EFCAB11: variants seen among roughly 807,000 people sequenced by gnomAD.
EFCAB11 encodes EF-hand calcium binding domain 11.
EFCAB11 carries 14 observed loss-of-function variants against 23.0 expected under a neutral mutation model. The observed-to-expected ratio is 0.61, with a 90% confidence interval of 0.40 to 0.95. EFCAB11 has a LOEUF of 0.95. Among genes scored for constraint, EFCAB11 ranks in the 40% least tolerant of loss-of-function variants. EFCAB11 has a pLI of 0.00. For missense variants in EFCAB11, 198 were observed against 195.8 expected (o/e 1.01, Z -0.07); for synonymous variants, 65 against 66.6 (o/e 0.98, Z 0.11).
chr14:89,907,419 A>G (rs760735805), intron 5 of EFCAB11, among the ~76,000 whole-genome samples: 1 of 152,204 alleles, frequency 6.6e-6, no homozygotes, highest in Non-Finnish European at 1.5e-5. Context: ...GAGGTTTTTG[A>G]TATTTTTATC....
intron 3 of EFCAB11, among the ~76,000 whole-genome samples, chr14:89,939,325 G>A (rs1890710308): frequency 6.6e-6 from 1 of 152,126 alleles, no homozygotes; most frequent in African/African-American, 2.4e-5. Context: ...GTTAATGGGA[G>A]GACTGCATTA....
At chr14:89,802,643 T>C (rs1885825665) in intron 5 of EFCAB11, among the ~76,000 whole-genome samples, 1 of 152,184 alleles carries the variant, frequency 6.6e-6, no homozygotes, top group East Asian at 1.9e-4. Context: ...TCCTCCTGCC[T>C]TGGCCTCCCA....
At chr14:89,903,135 T>C (rs923761181) in intron 5 of EFCAB11, among the ~76,000 whole-genome samples, 2 of 152,240 alleles carry the variant, frequency 1.3e-5, no homozygotes, top group African/African-American at 4.8e-5. Flanking sequence ...TTTGAATAAC[T>C]GTGTTTTACT....
At chr14:89,884,792 G>A (rs768252116) in intron 5 of EFCAB11, among the ~76,000 whole-genome samples, 5 of 152,200 alleles carry the variant, frequency 3.3e-5, no homozygotes, top group Non-Finnish European at 7.3e-5. Context: ...AGTATTTGGA[G>A]GTGGTGTCTT....
rs530747852 is a variant in EFCAB11, at chr14:89,943,135, C to A, written c.217+6962G>T. ...GAGCCCTGTTCCGAAGTAAGAAGAA[C>A]AATGGATAGCAGAGAATTCCCAAGT... On this transcript the variant is annotated intron_variant, in intron 3 of 5. Coordinates refer to ENST00000316738, the MANE Select transcript of EFCAB11 (RefSeq NM_145231.4). Among the ~76,000 whole-genome samples, 31 of 152,118 alleles carry A rather than the reference C, an allele frequency of 2.0e-4. No individual in the cohort carries two copies. The South Asian group carries it at 6.0e-3, about 30-fold the overall frequency.
intron 5 of EFCAB11, among the ~76,000 whole-genome samples, chr14:89,890,826 G>A (rs774906988): frequency 7.2e-5 from 11 of 152,190 alleles, no homozygotes; most frequent in Admixed American, 2.0e-4. Flanking sequence ...ATGGGGAGAC[G>A]AGGCCAGAAG....
At chr14:89,806,789 AT>A (rs1885984539) in intron 5 of EFCAB11, among the ~76,000 whole-genome samples, 1 of 152,160 alleles carries the variant, frequency 6.6e-6, no homozygotes, top group Non-Finnish European at 1.5e-5. Flanking sequence ...AGGCTAGATG[AT>A]TGCTAAGATT....
At chr14:89,875,590 T>G (rs555529364) in intron 5 of EFCAB11, among the ~76,000 whole-genome samples, 4 of 152,290 alleles carry the variant, frequency 2.6e-5, no homozygotes, top group African/African-American at 9.6e-5. Context: ...TATGGGTAAC[T>G]GGGTAAATGG....
Position 89,794,754 on chromosome 14 carries a change from T to G in EFCAB11, c.*2489A>C, listed in dbSNP as rs938653431. On this transcript the variant is annotated 3_prime_UTR_variant, in exon 6 of 6. Coordinates refer to ENST00000316738, the MANE Select transcript of EFCAB11 (RefSeq NM_145231.4). ...AAAGTTTAGTTTAACAGGTTTTGAATAAGACTTTATTTTTTAAATGAATTT... is the reference window on the plus strand; with the variant it reads ...AAAGTTTAGTTTAACAGGTTTTGAAGAAGACTTTATTTTTTAAATGAATTT... 2 of 152,222 alleles carry G rather than the reference T, an allele frequency of 1.3e-5. No homozygotes were observed. The highest frequency in any genetic ancestry group is 2.9e-5 in the Non-Finnish European group (2 of 68,034). The allele number at this position is 152,222 out of a possible 1,614,324, so 9.4% of individuals were successfully genotyped here.
In EFCAB11 at chr14:89,836,584, GA is replaced by G. The variant is rs781495190; in HGVS notation, c.411-39261del. 8.3e-5 allele frequency: 38 copies of G among 456,618 alleles called. 1 individual carries two copies. Among genetic ancestry groups the G allele is most frequent in the Non-Finnish European group, 8.8e-5 (20 of 226,986 alleles). 28.3% of individuals were successfully genotyped at this position (456,618 alleles called of 1,614,324 possible). A position where few individuals can be genotyped will look rare whatever the true frequency, so the allele number is the denominator to read the frequency against. On this transcript the variant is annotated intron_variant, in intron 5 of 5. Transcript: ENST00000316738. ...GACGTCAGTACTCCCCTGTGCCATA[GA>G]TGTTCCACATGAACCTCCAGGAAAT...
chr14:89,952,879 A>G (rs1265937802), intron 2 of EFCAB11, among the ~76,000 whole-genome samples: 1 of 152,132 alleles, frequency 6.6e-6, no homozygotes. Context: ...TGGCAGCTCA[A>G]TTTCTTGAAT....
In EFCAB11 at chr14:89,905,393, T is replaced by C. The variant is rs113190257; in HGVS notation, c.410+26148A>G. Among the ~76,000 whole-genome samples, 363 of 152,260 alleles carry C rather than the reference T, an allele frequency of 2.4e-3. 1 individual carries two copies. Among genetic ancestry groups the C allele is most frequent in the African/African-American group, 8.3e-3 (343 of 41,558 alleles). ...ACCACTAAGAGAGAGACAGATCACA[T>C]TGATGAAGAGTTGTACAGCAATGCT... is the stretch of plus-strand genomic sequence containing the variant. On this transcript the variant is annotated intron_variant, in intron 5 of 5. Coordinates refer to ENST00000316738, the MANE Select transcript of EFCAB11 (RefSeq NM_145231.4).
intron 5 of EFCAB11, among the ~76,000 whole-genome samples, chr14:89,877,905 G>A (rs1239402819): frequency 6.6e-6 from 1 of 152,204 alleles, no homozygotes; most frequent in African/African-American, 2.4e-5. Flanking sequence ...TAAGAACTCT[G>A]ATTGGCAGAA....
At chr14:89,934,653 T>C (rs1361358184) in intron 3 of EFCAB11, among the ~76,000 whole-genome samples, 1 of 152,062 alleles carries the variant, frequency 6.6e-6, no homozygotes, top group Non-Finnish European at 1.5e-5. Flanking sequence ...GTAGCATTTT[T>C]TTCCATAGTT....
intron 5 of EFCAB11, among the ~76,000 whole-genome samples, chr14:89,803,808 G>A (rs1276693298): frequency 6.6e-6 from 1 of 152,184 alleles, no homozygotes; most frequent in Non-Finnish European, 1.5e-5. Context: ...TGAGGAGCCC[G>A]CTGCTTCTTC....
intron 5 of EFCAB11, among the ~76,000 whole-genome samples, chr14:89,858,156 C>G (rs1036362192): frequency 6.6e-6 from 1 of 152,200 alleles, no homozygotes; most frequent in Admixed American, 6.5e-5. Flanking sequence ...CTCTCCCTCT[C>G]CTGGCTCTCT....
At chr14:89,880,271 C>T (rs1156236933) in intron 5 of EFCAB11, among the ~76,000 whole-genome samples, 1 of 152,174 alleles carries the variant, frequency 6.6e-6, no homozygotes, top group Non-Finnish European at 1.5e-5. Flanking sequence ...CACCATGTGA[C>T]ACACCATTCC....
At chr14:89,832,801 G>C (rs1055292837) in intron 5 of EFCAB11, among the ~76,000 whole-genome samples, 9 of 152,066 alleles carry the variant, frequency 5.9e-5, no homozygotes, top group African/African-American at 2.2e-4. Context: ...AAACAGAAAG[G>C]CTGTGTGGGT....
At chr14:89,875,868 G>A (rs10151032) in intron 5 of EFCAB11, among the ~76,000 whole-genome samples, 2,955 of 152,232 alleles carry the variant, frequency 0.019, 122 homozygotes, top group African/African-American at 0.067. Flanking sequence ...AAATTGGAAA[G>A]GGCATGCAGG....
Sources: gnomAD v4.1 joint callset for allele counts (sites outside exome capture counted in the v4.1 genomes callset) on GRCh38, gnomAD v4.1.1 for gene constraint, MANE v1.5 for transcripts, NCBI Gene and HGNC (gene_info 2026-07-23, HGNC 2026-07-21) for gene names.